Variants in CSMD1 observed in about 807,000 individuals in gnomAD.
The protein encoded by CSMD1 is CUB and Sushi multiple domains 1, also known as CUB and sushi domain-containing protein 1.
Under a neutral mutation model 417.5 loss-of-function variants are expected in CSMD1, and 213 were observed. The ratio of observed to expected loss-of-function variants is 0.51; its 90% CI spans 0.46 to 0.57. CSMD1 has a LOEUF of 0.57. Among genes scored for constraint, CSMD1 ranks in the 20% least tolerant of loss-of-function variants. The pLI is 0.00. For synonymous variants in CSMD1, 2,862 were observed against 1,736.8 expected, an observed-to-expected ratio of 1.65 and a Z score of -16.11; for missense variants, 6,923 against 4,529.7, an observed-to-expected ratio of 1.53 and a Z score of -15.17.
intron 1 of CSMD1, among the ~76,000 whole-genome samples, chr8:4,722,634 G>A (rs780655981): frequency 6.6e-6 from 1 of 152,018 alleles, no homozygotes; most frequent in African/African-American, 2.4e-5. Flanking sequence ...CACAGGCAAT[G>A]TAATAGTCTC....
chr8:3,870,683 G>C (rs776964141), intron 5 of CSMD1, among the ~76,000 whole-genome samples: 1 of 152,090 alleles, frequency 6.6e-6, no homozygotes, highest in Non-Finnish European at 1.5e-5. Context: ...TTAGAGGGAT[G>C]TTAAGTATTA....
At chr8:4,583,154 CA>C (rs1799516362) in intron 2 of CSMD1, among the ~76,000 whole-genome samples, 1 of 152,184 alleles carries the variant, frequency 6.6e-6, no homozygotes, top group Admixed American at 6.5e-5. Flanking sequence ...CCCCAACGAG[CA>C]CCATCCTCTG....
intron 25 of CSMD1, among the ~76,000 whole-genome samples, chr8:3,300,225 ATAAT>A (rs141637833): frequency 0.038 from 5,720 of 152,304 alleles, 222 homozygotes; most frequent in Admixed American, 0.11. Flanking sequence ...GGCGTAAAAA[ATAAT>A]TAAATAAAAA....
chr8:4,301,227 C>A (rs909439249), intron 3 of CSMD1, among the ~76,000 whole-genome samples: 6 of 152,150 alleles, frequency 3.9e-5, no homozygotes, highest in African/African-American at 1.4e-4. Flanking sequence ...TTTGTCAAAA[C>A]AATCTCATAA....
At chr8:4,195,006 T>TA in intron 3 of CSMD1, among the ~76,000 whole-genome samples, 1 of 151,836 alleles carries the variant, frequency 6.6e-6, no homozygotes, top group African/African-American at 2.4e-5. Context: ...ATTTTCCATC[T>TA]CTTCACATTG....
At chr8:4,548,675 C>A (rs564202148) in intron 2 of CSMD1, among the ~76,000 whole-genome samples, 1 of 152,136 alleles carries the variant, frequency 6.6e-6, no homozygotes, top group Admixed American at 6.5e-5. Context: ...GTTTGATTTT[C>A]CATCTACCTG....
intron 2 of CSMD1, among the ~76,000 whole-genome samples, chr8:4,507,820 G>A (rs73496668): frequency 0.014 from 2,063 of 152,246 alleles, 58 homozygotes; most frequent in African/African-American, 0.047. Flanking sequence ...CTGCTTGTAT[G>A]ACCAAAAGGT....
intron 1 of CSMD1, among the ~76,000 whole-genome samples, chr8:4,897,086 A>G (rs759583244): frequency 2.6e-5 from 4 of 152,062 alleles, no homozygotes; most frequent in Non-Finnish European, 4.4e-5. Flanking sequence ...CTGAGTGCCT[A>G]CAATTTCAGG....
chr8:4,808,210 G>A (rs371299728), intron 1 of CSMD1, among the ~76,000 whole-genome samples: 3 of 152,146 alleles, frequency 2.0e-5, no homozygotes, highest in Admixed American at 6.5e-5. Context: ...AGCACCAGTC[G>A]GTCAGCAGCG....
intron 12 of CSMD1, among the ~76,000 whole-genome samples, chr8:3,411,358 T>C (rs546895014): frequency 1.3e-5 from 2 of 148,810 alleles, no homozygotes; most frequent in East Asian, 3.9e-4. Context: ...AACTACTTCC[T>C]TTCCTTTTCT....
At chr8:4,534,376 A>G (rs1796992621) in intron 2 of CSMD1, among the ~76,000 whole-genome samples, 2 of 152,194 alleles carry the variant, frequency 1.3e-5, no homozygotes, top group Non-Finnish European at 2.9e-5. Context: ...CTTTGCATGG[A>G]TGGTTTATCA....
intron 41 of CSMD1, among the ~76,000 whole-genome samples, chr8:3,139,700 C>T (rs60754597): frequency 0.043 from 6,516 of 151,906 alleles, 184 homozygotes; most frequent in Non-Finnish European, 0.065. Context: ...TAGATATGTA[C>T]GTGTGTATGT....
intron 8 of CSMD1, among the ~76,000 whole-genome samples, chr8:3,615,630 T>C (rs1037478923): frequency 6.6e-6 from 1 of 152,228 alleles, no homozygotes; most frequent in African/African-American, 2.4e-5. Flanking sequence ...TATTTTTCTA[T>C]TGCTTTTAAA....
At chr8:4,388,597 A>G (rs1322542455) in intron 3 of CSMD1, among the ~76,000 whole-genome samples, 1 of 152,126 alleles carries the variant, frequency 6.6e-6, no homozygotes, top group South Asian at 2.1e-4. Flanking sequence ...AATAGGGTAC[A>G]GTGTATACTG....
At chr8:4,803,631 C>T (rs528069683) in intron 1 of CSMD1, among the ~76,000 whole-genome samples, 1 of 152,298 alleles carries the variant, frequency 6.6e-6, no homozygotes, top group South Asian at 2.1e-4. Flanking sequence ...TCTATGTCTT[C>T]TATCCTCCAT....
chr8:4,746,357 G>A (rs527403370), intron 1 of CSMD1, among the ~76,000 whole-genome samples: 1 of 152,160 alleles, frequency 6.6e-6, no homozygotes, highest in Non-Finnish European at 1.5e-5. Context: ...CAAGGGCTAT[G>A]GTTTTAAGCG....
chr8:2,994,297 C>G (rs1806680482), intron 54 of CSMD1, among the ~76,000 whole-genome samples: 1 of 151,960 alleles, frequency 6.6e-6, no homozygotes, highest in South Asian at 2.1e-4. Context: ...TTGGGTCATT[C>G]TACGAGACAT....
chr8:4,818,143 T>C (rs1799312412), intron 1 of CSMD1, among the ~76,000 whole-genome samples: 1 of 152,154 alleles, frequency 6.6e-6, no homozygotes, highest in South Asian at 2.1e-4. Flanking sequence ...TAAAATTGCA[T>C]AATTTATGTG....
chr8:3,347,617 T>G lies in CSMD1; in HGVS notation c.3474+375A>C, dbSNP rs537226955. ...ACTTTTAATAATTACAACTATGTGC[T>G]AGACACAATGCTAGGAACATCCACT... is the stretch of plus-strand genomic sequence containing the variant. On this transcript the variant is annotated intron_variant, in intron 22 of 69. Transcript: ENST00000635120. 2.6e-5 allele frequency among the ~76,000 whole-genome samples: 4 copies of G among 152,342 alleles called. No individual in the cohort carries two copies. The South Asian group carries it at 8.3e-4, about 32-fold the overall frequency.
Sources: gnomAD v4.1 joint callset for allele counts (sites outside exome capture counted in the v4.1 genomes callset) on GRCh38, gnomAD v4.1.1 for gene constraint, MANE v1.5 for transcripts, NCBI Gene and HGNC (gene_info 2026-07-23, HGNC 2026-07-21) for gene names.